The following MRPL27 variants were observed in gnomAD, a reference collection of about 807,000 sequenced individuals.
MRPL27 encodes mitochondrial ribosomal protein L27.
MRPL27 carries 4 observed loss-of-function variants against 14.6 expected under a neutral mutation model. The observed-to-expected ratio is 0.27, with a 90% CI of 0.14 to 0.63. MRPL27 has a LOEUF of 0.63. MRPL27 is among the 20% of genes least tolerant of loss of function. The pLI is 0.85. For synonymous variants in MRPL27, 82 were observed against 75.5 expected, an observed-to-expected ratio of 1.09 and a Z score of -0.45; for missense variants, 196 against 192.8, an observed-to-expected ratio of 1.02 and a Z score of -0.10.
At chr17:50,368,585 ACTGCACAAATCCCAAAAC>A in intron 3 of MRPL27, 2 of 593,360 alleles carry the variant, frequency 3.4e-6, no homozygotes, top group Non-Finnish European at 6.0e-6. Flanking sequence ...CAGAAGCCAC[ACTGCACAAATCCCAAAAC>A]CCAGGAAGAT....
chr17:50,370,290 C>A (rs1036108144), intron 2 of MRPL27, 165 bp downstream of exon 2: 2 of 1,233,370 alleles, frequency 1.6e-6, no homozygotes, highest in African/African-American at 3.0e-5. Flanking sequence ...GGCTCACACC[C>A]ACCCACTCGA....
chr17:50,372,988 C>A, intron 1 of MRPL27, 143 bp downstream of exon 1: 1 of 1,162,860 alleles, frequency 8.6e-7, no homozygotes, highest in South Asian at 1.4e-5. Flanking sequence ...CCAGCGACAC[C>A]GTCCCTCAAA....
chr17:50,369,089 C>G, intron 3 of MRPL27: 1 of 527,736 alleles, frequency 1.9e-6, no homozygotes, highest in African/African-American at 1.9e-5. Context: ...CCTGTGTGGT[C>G]TTAGGCAAGT....
intron 1 of MRPL27, among the ~76,000 whole-genome samples, chr17:50,371,381 T>A (rs1035856451): frequency 1.3e-5 from 2 of 152,168 alleles, no homozygotes; most frequent in African/African-American, 2.4e-5. Context: ...GCTGGGCCCT[T>A]TCTTCTCAAA....
intron 1 of MRPL27, among the ~76,000 whole-genome samples, chr17:50,372,259 G>GA (rs1913183330): frequency 6.6e-6 from 1 of 151,344 alleles, no homozygotes; most frequent in South Asian, 2.1e-4. Context: ...TTTTTTTGGG[G>GA]GGGGGGGATA....
Position 50,370,555 on chromosome 17 carries a change from T to C in MRPL27, c.72A>G (p.Thr24=). 1.2e-6 allele frequency: 2 copies of C among 1,614,176 alleles called. No homozygotes were observed. Among genetic ancestry groups the C allele is most frequent in the Non-Finnish European group, 8.5e-7 (1 of 1,180,020 alleles). The part of the protein sequence containing the change: ...VTSLLSPTPA[T]ALAVRYASKK... ...TGGATGCGTATCTGACAGCAAGAGC[T>C]GTAGCCGGAGTGGGGCTTAGCAAGG... is the stretch of plus-strand genomic sequence containing the variant. Residue 24 remains threonine, a synonymous_variant, in exon 2 of 4, where the codon ACA becomes ACG. Transcript: ENST00000225969.
At chr17:50,368,348 C>A (rs776019884) in intron 3 of MRPL27, 50 bp from the exon 4 acceptor site, 1 of 1,581,214 alleles carries the variant, frequency 6.3e-7, no homozygotes, top group Admixed American at 1.8e-5. Context: ...CGAGGTGGTC[C>A]GTCCCAGAAT....
In MRPL27 at chr17:50,368,183, C is replaced by T. The variant is rs1195967584; in HGVS notation, c.356G>A (p.Arg119Lys). 1 of 1,614,114 alleles carries T rather than the reference C, an allele frequency of 6.2e-7. No individual in the cohort carries two copies. The highest frequency in any genetic ancestry group is 8.5e-7 in the Non-Finnish European group (1 of 1,180,048). ...RNTEAVDLITRLPKGAVLYKT... is the reference protein window; with the variant it reads ...RNTEAVDLITKLPKGAVLYKT... Reference sequence around the variant, plus strand: ...GTAGAGCACAGCACCCTTGGGCAGCCTGGTGATCAGATCCACAGCCTCCGT... The same window carrying T: ...GTAGAGCACAGCACCCTTGGGCAGCTTGGTGATCAGATCCACAGCCTCCGT... The change falls in exon 4 of 4, where the codon AGG becomes AAG. Residue 119 changes from arginine to lysine, a missense_variant. Physicochemically the swap from Arg to Lys is conservative, Grantham distance 26. Transcript: ENST00000225969.
In MRPL27 at chr17:50,368,011, G is replaced by T; in HGVS notation, c.*81C>A. The T allele has an allele frequency of 1.3e-6, 2 of 1,500,814 alleles. No individual in the cohort carries two copies. The highest frequency in any genetic ancestry group is 9.2e-7 in the Non-Finnish European group (1 of 1,092,620). The allele number at this position is 1,500,814 out of a possible 1,614,324, so 93.0% of individuals were successfully genotyped here. A position where few individuals can be genotyped will look rare whatever the true frequency, so the allele number is the denominator to read the frequency against. ...GACCTCTTCCTCGGGAGGCCGTGTC[G>T]CCACCCCAACCCTTGACTTCTGGTA... On this transcript the variant is annotated 3_prime_UTR_variant, in exon 4 of 4. Coordinates refer to ENST00000225969, the MANE Select transcript of MRPL27 (RefSeq NM_016504.3).
rs1567811518 is a variant in MRPL27 at position 50,367,997 on chromosome 17, C to T, written c.*95G>A. 7.5e-6 allele frequency: 10 copies of T among 1,338,754 alleles called. No homozygotes were observed. Among genetic ancestry groups the T allele is most frequent in the South Asian group, 4.0e-5 (3 of 75,298 alleles). The allele number at this position is 1,338,754 out of a possible 1,614,324, so 82.9% of individuals were successfully genotyped here. The stretch of plus-strand genomic sequence containing the variant: ...GTCACCATCAAGCAGACCTCTTCCT[C>T]GGGAGGCCGTGTCGCCACCCCAACC... On this transcript the variant is annotated 3_prime_UTR_variant, in exon 4 of 4. Coordinates refer to ENST00000225969, the MANE Select transcript of MRPL27 (RefSeq NM_016504.3).
Position 50,368,316 on chromosome 17 carries a change from GGTC to G in MRPL27, c.241-21_241-19del. On this transcript the variant is annotated intron_variant, in intron 3 of 3. Transcript: ENST00000225969. ...ACACCCACCTGCAACACACAGACCTGGTCAGCTGGTCAGCTGGTCAGCGAGGTG... is the reference window on the plus strand; with the variant it reads ...ACACCCACCTGCAACACACAGACCTGAGCTGGTCAGCTGGTCAGCGAGGTG... The G allele has an allele frequency of 6.2e-6, 3 of 482,460 alleles. No homozygotes were observed. Among genetic ancestry groups the G allele is most frequent in the Non-Finnish European group, 9.2e-6 (3 of 324,660 alleles). The allele number at this position is 482,460 out of a possible 1,614,324, so 29.9% of individuals were successfully genotyped here. A position where few individuals can be genotyped will look rare whatever the true frequency, so the allele number is the denominator to read the frequency against.
chr17:50,367,914 G>A lies in MRPL27; in HGVS notation c.*178C>T, dbSNP rs926045016. The stretch of plus-strand genomic sequence containing the variant: ...ATGACGCTGGCTCACTTTATTTTTG[G>A]CCCCAGGTCAGGTCTCCCAAAGGGT... On this transcript the variant is annotated 3_prime_UTR_variant, in exon 4 of 4. Transcript: ENST00000225969. 1 of 654,094 alleles carries A rather than the reference G, an allele frequency of 1.5e-6. No individual in the cohort carries two copies. The highest frequency in any genetic ancestry group is 1.8e-5 in the African/African-American group (1 of 54,796). 40.5% of individuals were successfully genotyped at this position (654,094 alleles called of 1,614,324 possible).
In MRPL27 at chr17:50,373,047, G is replaced by A. The variant is rs530460361; in HGVS notation, c.40+84C>T. ...CCTCGCATCCAAGGTCCTCCGCGGG[G>A]ATCAGTGTCACCTCCTTCCCTCCCT... On this transcript the variant is annotated intron_variant, in intron 1 of 3. Transcript: ENST00000225969. The A allele has an allele frequency of 5.7e-4, 903 of 1,583,864 alleles. 1 individual carries two copies. Among genetic ancestry groups the A allele is most frequent in the Admixed American group, 6.7e-4 (39 of 57,904 alleles).
rs1034763004 is a variant in MRPL27, at chr17:50,368,026, GA to G, written c.*65del. The G allele has an allele frequency of 4.7e-5, 74 of 1,575,374 alleles. No homozygotes were observed. Among genetic ancestry groups the G allele is most frequent in the Non-Finnish European group, 5.8e-5 (67 of 1,150,576 alleles). ...AGGCCGTGTCGCCACCCCAACCCTT[GA>G]CTTCTGGTATCACCATCTCCTGTCA... On this transcript the variant is annotated 3_prime_UTR_variant, in exon 4 of 4. Transcript: ENST00000225969.
In MRPL27 at chr17:50,368,676, T is replaced by C. The variant is rs1913036001; in HGVS notation, c.241-378A>G. The C allele has an allele frequency of 5.0e-6, 3 of 595,726 alleles. No individual in the cohort carries two copies. The South Asian group carries it at 6.2e-5, about 12-fold the overall frequency. 36.9% of individuals were successfully genotyped at this position (595,726 alleles called of 1,614,324 possible). On this transcript the variant is annotated intron_variant, in intron 3 of 3. Transcript: ENST00000225969. Reference sequence around the variant, plus strand: ...CTGTCATATTAAAACACTAGTTTGATGTAAATTTTCATTTAGATAGTGATC... The same window carrying C: ...CTGTCATATTAAAACACTAGTTTGACGTAAATTTTCATTTAGATAGTGATC...
At chr17:50,370,263 T>C in intron 2 of MRPL27, 164 bp from the exon 3 acceptor site, 1 of 1,144,606 alleles carries the variant, frequency 8.7e-7, no homozygotes, top group Non-Finnish European at 1.3e-6. Flanking sequence ...AGCTCTTGTC[T>C]CTAATTGCAT....
At position 50,370,584 on chromosome 17, in the gene MRPL27, T is replaced by C; in HGVS notation, c.43A>G (p.Thr15Ala). ...VLALRTRTAV[T>A]SLLSPTPATA... ...GCCGGAGTGGGGCTTAGCAAGGATG[T>C]AACTGCAGAGAAAACAGAAACATTG... Residue 15 changes from threonine to alanine, a missense_variant and splice_region_variant, in exon 2 of 4, where the codon ACA becomes GCA. Coordinates refer to ENST00000225969, the MANE Select transcript of MRPL27 (RefSeq NM_016504.3). 2 of 1,614,110 alleles carry C rather than the reference T, an allele frequency of 1.2e-6. No individual in the cohort carries two copies. Among genetic ancestry groups the C allele is most frequent in the Non-Finnish European group, 1.7e-6 (2 of 1,179,986 alleles).
At chr17:50,372,340 A>G (rs59960771) in intron 1 of MRPL27, among the ~76,000 whole-genome samples, 6,158 of 151,552 alleles carry the variant, frequency 0.041, 440 homozygotes, top group African/African-American at 0.14. Context: ...CGACCTCCCG[A>G]GCTCAGGTGA....
chr17:50,373,113 A>G lies in MRPL27; in HGVS notation c.40+18T>C, dbSNP rs1234427451. 1.2e-6 allele frequency: 2 copies of G among 1,613,854 alleles called. No individual in the cohort carries two copies. The highest frequency in any genetic ancestry group is 2.7e-5 in the African/African-American group (2 of 74,886). On this transcript the variant is annotated intron_variant, in intron 1 of 3. Transcript: ENST00000225969. ...TGCCTCCCCGCCTCACCCCGCTCTG[A>G]CTACTGCGTCCCATTACCGGCTGTC...
Sources: gnomAD v4.1 joint callset for allele counts (sites outside exome capture counted in the v4.1 genomes callset) on GRCh38, gnomAD v4.1.1 for gene constraint, MANE v1.5 for transcripts, NCBI Gene and HGNC (gene_info 2026-07-23, HGNC 2026-07-21) for gene names.